Variants in LRCH3 observed in about 807,000 individuals in gnomAD.
The protein encoded by LRCH3 is DISP complex protein LRCH3.
A neutral mutation model predicts 104.5 loss-of-function variants in LRCH3; 68 were observed. That is an observed-to-expected ratio of 0.65 (90% CI 0.54 to 0.80). The LOEUF (loss-of-function observed/expected upper bound fraction) is 0.80. LRCH3 is among the 30% of genes least tolerant of loss of function. The pLI, the probability that LRCH3 is intolerant of heterozygous loss-of-function variation, is 0.00. For missense variants in LRCH3, 951 were observed against 953.9 expected (o/e 1.00, Z 0.04); for synonymous variants, 344 against 361.3 (o/e 0.95, Z 0.54).
chr3:197,881,913 C>G (rs1713807727), intron 20 of LRCH3: 1 of 985,330 alleles, frequency 1.0e-6, no homozygotes, highest in African/African-American at 1.7e-5. Context: ...CAGCTATTTT[C>G]ACAGGTCAAA....
intron 9 of LRCH3, among the ~76,000 whole-genome samples, chr3:197,837,153 ACTT>A (rs1013657268): frequency 6.6e-6 from 1 of 152,174 alleles, no homozygotes; most frequent in African/African-American, 2.4e-5. Flanking sequence ...TGATGAAACT[ACTT>A]GTTGAGGCTG....
At position 197,832,303 on chromosome 3, in the gene LRCH3, T is replaced by G; in HGVS notation, c.1088T>G (p.Val363Gly). Reference protein sequence around the residue: ...QYQENRGSLVVTNGGVEHDLD... With the variant: ...QYQENRGSLVGTNGGVEHDLD... ...CAAGAGAACCGCGGCAGTTTGGTAG[T>G]AACAAACGGCGGAGGTAAACATAAT... Residue 363 changes from valine (V) to glycine (G), a missense_variant, in exon 8 of 21, where the codon GTA (valine) becomes GGA (glycine). Val to Gly is a moderately radical substitution (Grantham distance 109). Coordinates refer to ENST00000425562, the MANE Select transcript of LRCH3 (RefSeq NM_001365715.1). 16 of 1,613,706 alleles carry G rather than the reference T, an allele frequency of 9.9e-6. No homozygotes were observed. Among genetic ancestry groups the G allele is most frequent in the Non-Finnish European group, 1.4e-5 (16 of 1,179,642 alleles).
At chr3:197,793,581 G>A (rs937894881) in intron 1 of LRCH3, among the ~76,000 whole-genome samples, 2 of 152,192 alleles carry the variant, frequency 1.3e-5, no homozygotes, top group African/African-American at 2.4e-5. Flanking sequence ...GTAGGTCTAG[G>A]AGCACCGTGT....
chr3:197,855,973 C>G (rs570478317), intron 14 of LRCH3, among the ~76,000 whole-genome samples: 6 of 152,332 alleles, frequency 3.9e-5, no homozygotes, highest in African/African-American at 1.4e-4. Flanking sequence ...GAAGTCCGAA[C>G]GTGGCCTCGA....
chr3:197,798,947 T>C (rs961291362), intron 1 of LRCH3, among the ~76,000 whole-genome samples: 3 of 152,070 alleles, frequency 2.0e-5, no homozygotes, highest in Non-Finnish European at 4.4e-5. Flanking sequence ...TCTGTCATAC[T>C]GGACAGCACA....
At chr3:197,813,133 G>T (rs183514055) in intron 1 of LRCH3, among the ~76,000 whole-genome samples, 4 of 152,226 alleles carry the variant, frequency 2.6e-5, no homozygotes, top group Non-Finnish European at 2.9e-5. Context: ...TATTTATGGG[G>T]TCTGTGAGGT....
chr3:197,857,417 G>T (rs1276826327), intron 14 of LRCH3, among the ~76,000 whole-genome samples: 1 of 146,142 alleles, frequency 6.8e-6, no homozygotes, highest in Non-Finnish European at 1.5e-5. Context: ...ATTCTCTTCC[G>T]GCTACCCCTC....
intron 1 of LRCH3, among the ~76,000 whole-genome samples, chr3:197,800,564 T>C (rs1284894939): frequency 6.6e-6 from 1 of 152,128 alleles, no homozygotes; most frequent in Non-Finnish European, 1.5e-5. Context: ...TGGGAGCTTG[T>C]GGGAGTGTGA....
chr3:197,797,878 AAAAAC>A (rs1560516946), intron 1 of LRCH3, among the ~76,000 whole-genome samples: 4 of 138,166 alleles, frequency 2.9e-5, no homozygotes, highest in East Asian at 2.0e-4. Context: ...AAAAAACAAA[AAAAAC>A]AAAAAAAAAA....
chr3:197,882,566 C>T, intron 20 of LRCH3: 2 of 941,364 alleles, frequency 2.1e-6, no homozygotes, highest in Non-Finnish European at 2.5e-6. Context: ...TTTTAACAAA[C>T]ATATATAATC....
Position 197,824,653 on chromosome 3 carries a change from G to A in LRCH3, c.641-2225G>A, listed in dbSNP as rs568058247. The stretch of plus-strand genomic sequence containing the variant: ...GCGATCTCGGCTCACGGTAACCTCT[G>A]CCCCCCCGTCCCGGGTTCAAGTGAT... On this transcript the variant is annotated intron_variant, in intron 4 of 20. Transcript: ENST00000425562. Among the ~76,000 whole-genome samples the A allele has an allele frequency of 8.8e-5, 13 of 147,518 alleles. No homozygotes were observed. The South Asian group carries it at 1.9e-3, about 22-fold the overall frequency.
chr3:197,812,916 A>T (rs1354659919), intron 1 of LRCH3, among the ~76,000 whole-genome samples: 1 of 152,160 alleles, frequency 6.6e-6, no homozygotes, highest in African/African-American at 2.4e-5. Context: ...TGGATCATAA[A>T]TATACTTCCG....
At chr3:197,829,466 C>T in intron 5 of LRCH3, 98 bp from the exon 6 acceptor site, 1 of 654,858 alleles carries the variant, frequency 1.5e-6, no homozygotes, top group Non-Finnish European at 2.6e-6. Flanking sequence ...AGAAATGCCT[C>T]CCTTTCCCAA....
In LRCH3 at chr3:197,883,325, C is replaced by G; in HGVS notation, c.2209-216C>G. ...TCAATTTTCCAATTTTGAAAATGAT[C>G]TGTATGTACTTTTAGTTGTATTAAT... On this transcript the variant is annotated intron_variant, in intron 20 of 20. Transcript: ENST00000425562. This position sits in a 1 kb window ranked among gnomAD's most constrained non-coding sequence, Gnocchi z 4.2. 2 of 1,330,040 alleles carry G rather than the reference C, an allele frequency of 1.5e-6. No individual in the cohort carries two copies. The allele number at this position is 1,330,040 out of a possible 1,614,324, so 82.4% of individuals were successfully genotyped here.
At chr3:197,880,936 T>C in intron 20 of LRCH3, 1 of 1,404,326 alleles carries the variant, frequency 7.1e-7, no homozygotes, top group Non-Finnish European at 9.2e-7. Context: ...CAGCATTTTT[T>C]CTCCTGGTCA....
rs1735662659 is a variant in LRCH3, at chr3:197,829,633, C to G, written c.847C>G (p.Leu283Val). The change falls in exon 6 of 21, where the codon CTG becomes GTG. Residue 283 changes from leucine to valine, a missense_variant. Transcript: ENST00000425562. The stretch of plus-strand genomic sequence containing the variant: ...ACAAGCTTGTAAGATTGCTCCAGAT[C>G]TGCCGGATTATGATAGGAGACCGTT... ...NIQACKIAPD[L>V]PDYDRRPLGF... 6.2e-7 allele frequency: 1 copy of G among 1,613,362 alleles called. No individual in the cohort carries two copies. The highest frequency in any genetic ancestry group is 8.5e-7 in the Non-Finnish European group (1 of 1,179,902).
intron 7 of LRCH3, 68 bp from the exon 8 acceptor site, chr3:197,832,129 A>G (rs1277142112): frequency 2.0e-6 from 3 of 1,520,710 alleles, no homozygotes; most frequent in Admixed American, 2.0e-5. Flanking sequence ...CCCAAAGCGC[A>G]TGGATTACAG....
chr3:197,792,481 C>T (rs1255625235), intron 1 of LRCH3, among the ~76,000 whole-genome samples: 1 of 147,514 alleles, frequency 6.8e-6, no homozygotes, highest in Non-Finnish European at 1.5e-5. Context: ...CATCACTGCT[C>T]ACTGCAGCCT....
intron 1 of LRCH3, among the ~76,000 whole-genome samples, chr3:197,792,605 A>ATATATATATATAT (rs1553912026): frequency 1.9e-5 from 1 of 52,242 alleles, no homozygotes; most frequent in Non-Finnish European, 4.4e-5. Flanking sequence ...ATATATATAT[A>ATATATATATATAT]AAATATACAT....
Sources: allele counts gnomAD v4.1 joint callset (sites outside exome capture counted in the v4.1 genomes callset), GRCh38; gene constraint gnomAD v4.1.1; non-coding constraint Gnocchi (gnomAD v3.1); transcripts MANE v1.5; gene names NCBI Gene and HGNC (gene_info 2026-07-23, HGNC 2026-07-21).